PACC1: variants seen among roughly 807,000 people sequenced by gnomAD.
PACC1 encodes proton activated chloride channel 1.
A neutral mutation model predicts 39.7 loss-of-function variants in PACC1; 34 were observed. That is an observed-to-expected ratio of 0.86 (90% confidence interval 0.65 to 1.14). PACC1 has a LOEUF of 1.14. Ranked by LOEUF, PACC1 falls within the 50% of genes most tolerant of loss-of-function variation. The pLI is 0.00. For synonymous variants in PACC1, 127 were observed against 160.6 expected, an observed-to-expected ratio of 0.79 and a Z score of 1.58; for missense variants, 379 against 436.4, an observed-to-expected ratio of 0.87 and a Z score of 1.17.
intron 4 of PACC1, among the ~76,000 whole-genome samples, chr1:212,382,692 A>C (rs2102491500): frequency 6.6e-6 from 1 of 152,348 alleles, no homozygotes; most frequent in South Asian, 2.1e-4. Context: ...GGCAGGTAAG[A>C]AGCCGCCCTC....
intron 7 of PACC1, among the ~76,000 whole-genome samples, chr1:212,371,228 C>T (rs1294970378): frequency 2.0e-5 from 2 of 101,586 alleles, no homozygotes; most frequent in Admixed American, 1.4e-4. Context: ...TGTGATAGAG[C>T]AAGACTCCAT....
intron 5 of PACC1, among the ~76,000 whole-genome samples, chr1:212,379,100 C>T (rs531632192): frequency 5.3e-5 from 8 of 152,056 alleles, no homozygotes; most frequent in South Asian, 2.1e-4. Flanking sequence ...CCCGCTACCA[C>T]GCCTGGCTAA....
At chr1:212,378,431 G>C (rs1266323092) in intron 5 of PACC1, among the ~76,000 whole-genome samples, 1 of 152,200 alleles carries the variant, frequency 6.6e-6, no homozygotes, top group Non-Finnish European at 1.5e-5. Context: ...CGAGCTCTGG[G>C]GTGGAAGAAC....
chr1:212,390,362 G>A (rs1661266796), intron 2 of PACC1, among the ~76,000 whole-genome samples: 1 of 150,932 alleles, frequency 6.6e-6, no homozygotes, highest in Non-Finnish European at 1.5e-5. Context: ...GGCGGAGGTT[G>A]CAGTGAGTTG....
intron 1 of PACC1, 83 bp downstream of exon 1, chr1:212,414,639 A>ACCCCCCCCCCCCCACC: frequency 7.1e-7 from 1 of 1,415,946 alleles, no homozygotes. Context: ...CAGCCCCGAC[A>ACCCCCCCCCCCCCACC]CCCCCCGCCC....
intron 2 of PACC1, among the ~76,000 whole-genome samples, chr1:212,406,561 G>A (rs983116202): frequency 2.0e-5 from 3 of 151,992 alleles, no homozygotes. Context: ...TGAGAGTTGT[G>A]TATCAGTCCA....
intron 7 of PACC1, among the ~76,000 whole-genome samples, chr1:212,374,554 C>T (rs985725854): frequency 1.3e-5 from 2 of 152,102 alleles, no homozygotes; most frequent in Non-Finnish European, 2.9e-5. Context: ...GAAGAATGTT[C>T]CCAATGCAAG....
At chr1:212,388,139 T>C (rs563759703) in intron 2 of PACC1, among the ~76,000 whole-genome samples, 32 of 152,210 alleles carry the variant, frequency 2.1e-4, no homozygotes, top group African/African-American at 7.5e-4. Context: ...TGGGCACCTC[T>C]TCCTCAGTGT....
intron 7 of PACC1, among the ~76,000 whole-genome samples, chr1:212,368,323 G>A (rs1459499665): frequency 2.0e-5 from 3 of 152,110 alleles, no homozygotes; most frequent in Non-Finnish European, 4.4e-5. Flanking sequence ...AATCTTCAAT[G>A]CCCATAGACA....
At chr1:212,410,608 G>C (rs1485705457) in intron 1 of PACC1, 87 bp from the exon 2 acceptor site, 1 of 1,226,476 alleles carries the variant, frequency 8.2e-7, no homozygotes, top group Non-Finnish European at 1.2e-6. Context: ...GAAGCTGCTT[G>C]TCACTTAATT....
At chr1:212,377,768 GC>G in intron 5 of PACC1, 62 bp from the exon 6 acceptor site, 1 of 1,580,312 alleles carries the variant, frequency 6.3e-7, no homozygotes. Context: ...AGGAGTCGAA[GC>G]CCCCACTGCA....
At chr1:212,366,864 T>C (rs528742147) in intron 7 of PACC1, among the ~76,000 whole-genome samples, 7 of 152,316 alleles carry the variant, frequency 4.6e-5, no homozygotes, top group Admixed American at 4.6e-4. Context: ...TAGTGGGTGA[T>C]AGCAGAGCAA....
intron 7 of PACC1, among the ~76,000 whole-genome samples, chr1:212,366,461 C>T (rs1382632429): frequency 2.0e-5 from 3 of 151,838 alleles, no homozygotes; most frequent in East Asian, 3.9e-4. Context: ...CCACCACGGC[C>T]GGCTAATTTT....
intron 2 of PACC1, among the ~76,000 whole-genome samples, chr1:212,398,741 T>C (rs1202751555): frequency 1.3e-5 from 2 of 152,256 alleles, no homozygotes; most frequent in African/African-American, 4.8e-5. Flanking sequence ...TGCTCCTTCA[T>C]GGCTTTGCTA....
chr1:212,370,221 C>T (rs910777107), intron 7 of PACC1, among the ~76,000 whole-genome samples: 1 of 152,252 alleles, frequency 6.6e-6, no homozygotes, highest in African/African-American at 2.4e-5. Flanking sequence ...AATCCCAGCA[C>T]TTTGGGAGAT....
intron 4 of PACC1, among the ~76,000 whole-genome samples, chr1:212,381,837 TGACAA>T (rs1306037628): frequency 1.4e-5 from 2 of 145,590 alleles, no homozygotes; most frequent in Non-Finnish European, 3.0e-5. Context: ...GACAGCACAG[TGACAA>T]GACAAAAGTC....
At chr1:212,375,750 T>C (rs1660642139) in intron 6 of PACC1, among the ~76,000 whole-genome samples, 1 of 149,486 alleles carries the variant, frequency 6.7e-6, no homozygotes, top group South Asian at 2.1e-4. Flanking sequence ...CCAGGTGTAG[T>C]GGTGGGCGCC....
chr1:212,377,400 T>C (rs1558166581), intron 6 of PACC1, among the ~76,000 whole-genome samples, 162 bp downstream of exon 6: 2 of 152,184 alleles, frequency 1.3e-5, no homozygotes, highest in Non-Finnish European at 2.9e-5. Context: ...CTCCCTGGCA[T>C]AGCATATGAA....
At position 212,386,904 on chromosome 1, in the gene PACC1, G is replaced by A. The variant is rs775783714; in HGVS notation, c.330C>T (p.Arg110=). 11 of 1,614,056 alleles carry A rather than the reference G, an allele frequency of 6.8e-6. No homozygotes were observed. Among genetic ancestry groups the A allele is most frequent in the Non-Finnish European group, 9.3e-6 (11 of 1,180,042 alleles). The change falls in exon 3 of 8, where the codon CGC becomes CGT. Residue 110 remains arginine (R), a synonymous_variant. Coordinates refer to ENST00000261455, the MANE Select transcript of PACC1 (RefSeq NM_018252.3). This position sits in a 1 kb window ranked among gnomAD's most constrained non-coding sequence, Gnocchi z 5.0. ...VMSVSYKEVD[R]YDAPGIALYP... ...GGCAGGCTCTACCTGGGGCATCATA[G>A]CGATCCACTTCCTTGTAAGACACAG...
Sources: gnomAD v4.1 joint callset for allele counts (sites outside exome capture counted in the v4.1 genomes callset) on GRCh38, gnomAD v4.1.1 for gene constraint, Gnocchi (gnomAD v3.1) non-coding constraint, MANE v1.5 for transcripts, NCBI Gene and HGNC (gene_info 2026-07-23, HGNC 2026-07-21) for gene names.